The following PITPNC1 variants were observed in gnomAD, a reference collection of about 807,000 sequenced individuals.
The protein encoded by PITPNC1 is cytoplasmic phosphatidylinositol transfer protein 1.
A neutral mutation model predicts 44.7 loss-of-function variants in PITPNC1; 18 were observed. The observed-to-expected ratio is 0.40, with a 90% CI of 0.28 to 0.60. The LOEUF is 0.60. Ranked by LOEUF, PITPNC1 falls within the 20% of genes least tolerant of loss-of-function variation. The pLI, the probability that PITPNC1 is intolerant of heterozygous loss-of-function variation, is 0.39. For missense variants in PITPNC1, 290 were observed against 418.4 expected (o/e 0.69, Z 2.68); for synonymous variants, 141 against 149.6 (o/e 0.94, Z 0.42).
At chr17:67,587,997 T>A (rs190317198) in intron 5 of PITPNC1, among the ~76,000 whole-genome samples, 67 of 152,176 alleles carry the variant, frequency 4.4e-4, no homozygotes, top group Admixed American at 2.0e-3. Flanking sequence ...ATCGTGAAGT[T>A]TGTTTTCTTT....
At chr17:67,553,511 G>A in intron 3 of PITPNC1, 99 bp from the exon 4 acceptor site, 1 of 523,426 alleles carries the variant, frequency 1.9e-6, no homozygotes, top group African/African-American at 2.0e-5. Flanking sequence ...GTCAGTATTT[G>A]TTAGTTCTGT....
intron 5 of PITPNC1, among the ~76,000 whole-genome samples, chr17:67,598,342 T>C (rs1167160041): frequency 6.6e-6 from 1 of 152,200 alleles, no homozygotes; most frequent in Non-Finnish European, 1.5e-5. Flanking sequence ...TCTGAGATAA[T>C]TCAGGTTTTT....
chr17:67,591,713 T>A (rs941694983), intron 5 of PITPNC1, among the ~76,000 whole-genome samples: 2 of 152,146 alleles, frequency 1.3e-5, no homozygotes, highest in African/African-American at 4.8e-5. Flanking sequence ...TTTATTGATT[T>A]AAAAATTTTT....
At chr17:67,536,922 C>T (rs1265950336) in intron 2 of PITPNC1, among the ~76,000 whole-genome samples, 1 of 152,172 alleles carries the variant, frequency 6.6e-6, no homozygotes, top group Non-Finnish European at 1.5e-5. Context: ...TGGGGGCTGA[C>T]TGCTGGAAGG....
intron 1 of PITPNC1, among the ~76,000 whole-genome samples, chr17:67,435,654 T>C (rs2364983): frequency 0.69 from 105,487 of 152,070 alleles, 37,022 homozygotes; most frequent in Middle Eastern, 0.78. Context: ...GAGTTCGAGA[T>C]CAGCTTGACC....
In PITPNC1 at chr17:67,483,918, C is replaced by CTT. The variant is rs60856668; in HGVS notation, c.49-48868_49-48867dup. Among the ~76,000 whole-genome samples the CTT allele has an allele frequency of 0.01, 1,143 of 111,698 alleles. 48 individuals carry two copies. The East Asian group carries it at 0.12, about 12-fold the overall frequency. The allele number at this position is 111,698 out of a possible 152,430, so 73.3% of individuals were successfully genotyped here. On this transcript the variant is annotated intron_variant, in intron 1 of 8. Coordinates refer to ENST00000581322, the MANE Select transcript of PITPNC1 (RefSeq NM_012417.4). The stretch of plus-strand genomic sequence containing the variant: ...CTTCACCCTTGCTAACGTTTTCTTT[C>CTT]TTTTTTTTTTTTTTTTTGAGGTGGA...
chr17:67,646,005 G>C (rs1054247688), intron 6 of PITPNC1, among the ~76,000 whole-genome samples: 2 of 152,112 alleles, frequency 1.3e-5, no homozygotes, highest in Admixed American at 6.6e-5. Flanking sequence ...GGTGCCTGTA[G>C]TCCCAGCTAC....
At chr17:67,611,407 A>G (rs1041872470) in intron 5 of PITPNC1, 1 of 152,216 alleles carries the variant, frequency 6.6e-6, no homozygotes, top group South Asian at 2.1e-4. Flanking sequence ...TATCCAAACC[A>G]ATATAACCAG....
chr17:67,431,563 G>A (rs934386273), intron 1 of PITPNC1, among the ~76,000 whole-genome samples: 4 of 152,182 alleles, frequency 2.6e-5, no homozygotes, highest in African/African-American at 9.7e-5. Context: ...ATATTAATAA[G>A]GGTTTGGACG....
chr17:67,616,281 C>T (rs1194539548), intron 5 of PITPNC1, among the ~76,000 whole-genome samples: 1 of 152,092 alleles, frequency 6.6e-6, no homozygotes, highest in Non-Finnish European at 1.5e-5. Flanking sequence ...CCTGGGATTA[C>T]AGGGGTGCAC....
At chr17:67,596,333 G>A (rs974421882) in intron 5 of PITPNC1, among the ~76,000 whole-genome samples, 4 of 152,024 alleles carry the variant, frequency 2.6e-5, no homozygotes, top group Non-Finnish European at 4.4e-5. Context: ...AGTTGTACAC[G>A]TGGTATGTCT....
In PITPNC1 at chr17:67,495,063, T is replaced by G. The variant is rs1291833125; in HGVS notation, c.49-37739T>G. ...TTGTTTTTTTTTTTGTTTTTTTTTT[T>G]TTTTTTTTTTTGAGACGGAGTCTGG... On this transcript the variant is annotated intron_variant, in intron 1 of 8. Transcript: ENST00000581322. Among the ~76,000 whole-genome samples, 154 of 98,188 alleles carry G rather than the reference T, an allele frequency of 1.6e-3. 3 individuals carry two copies. Among genetic ancestry groups the G allele is most frequent in the East Asian group, 0.01 (33 of 3,284 alleles). The allele number at this position is 98,188 out of a possible 152,430, so 64.4% of individuals were successfully genotyped here. A position where few individuals can be genotyped will look rare whatever the true frequency, so the allele number is the denominator to read the frequency against.
chr17:67,562,895 A>G (rs1329819925), intron 4 of PITPNC1, among the ~76,000 whole-genome samples: 2 of 152,206 alleles, frequency 1.3e-5, no homozygotes, highest in East Asian at 1.9e-4. Context: ...TTTTTTAATG[A>G]ATAAAGGAAG....
intron 1 of PITPNC1, among the ~76,000 whole-genome samples, chr17:67,485,391 T>G (rs1445070207): frequency 6.4e-5 from 8 of 125,918 alleles, no homozygotes. Context: ...TTTTTTTTTT[T>G]GACATAGGCA....
intron 4 of PITPNC1, among the ~76,000 whole-genome samples, chr17:67,575,861 TCC>T (rs1568047855): frequency 0.014 from 380 of 27,622 alleles, no homozygotes; most frequent in East Asian, 0.056. Context: ...TTTCTTTCCT[TCC>T]TTCTTTCTTT....
chr17:67,613,368 T>C (rs2041713950), intron 5 of PITPNC1: 1 of 152,194 alleles, frequency 6.6e-6, no homozygotes, highest in South Asian at 2.1e-4. Flanking sequence ...TCAGGAAAAG[T>C]GTCTGAGATA....
chr17:67,454,220 T>G (rs2039224219), intron 1 of PITPNC1, among the ~76,000 whole-genome samples: 1 of 149,212 alleles, frequency 6.7e-6, no homozygotes, highest in African/African-American at 2.5e-5. Context: ...CACTGCACTA[T>G]AGCCTGGGAC....
chr17:67,689,852 C>T (rs1567783151), intron 8 of PITPNC1, among the ~76,000 whole-genome samples: 2 of 152,166 alleles, frequency 1.3e-5, no homozygotes, highest in African/African-American at 4.8e-5. Context: ...ATAACATACC[C>T]TGATACACTA....
rs771258752 is a variant in PITPNC1 at position 67,583,865 on chromosome 17, TTGTG to T, written c.366+5636_366+5639del. ...CGCCCGCCACCACGCCTGGCTAATTTTGTGTGTGTGTGTGTGTGTGTGTGTGTGT... is the reference window on the plus strand; with the variant it reads ...CGCCCGCCACCACGCCTGGCTAATTTTGTGTGTGTGTGTGTGTGTGTGTGT... On this transcript the variant is annotated intron_variant, in intron 5 of 8. Transcript: ENST00000581322. 3.1e-3 allele frequency among the ~76,000 whole-genome samples: 369 copies of T among 118,434 alleles called. 6 individuals are homozygous for T. Among genetic ancestry groups the T allele is most frequent in the Admixed American group, 0.016 (170 of 10,938 alleles). 77.7% of individuals were successfully genotyped at this position (118,434 alleles called of 152,430 possible).
Sources: gnomAD v4.1 joint callset for allele counts (sites outside exome capture counted in the v4.1 genomes callset) on GRCh38, gnomAD v4.1.1 for gene constraint, MANE v1.5 for transcripts, NCBI Gene and HGNC (gene_info 2026-07-23, HGNC 2026-07-21) for gene names.